ADAMTS3: variants seen among roughly 807,000 people sequenced by gnomAD.
The protein encoded by ADAMTS3 is ADAM metallopeptidase with thrombospondin type 1 motif 3.
In ADAMTS3, 73 loss-of-function variants were observed where a neutral mutation model predicts 129.0. The observed-to-expected ratio is 0.57, with a 90% CI of 0.47 to 0.69. The LOEUF (loss-of-function observed/expected upper bound fraction) is 0.69, where lower values mean the gene tolerates loss of function less well. Ranked by LOEUF, ADAMTS3 falls within the 30% of genes least tolerant of loss-of-function variation. The pLI is 0.00. For synonymous variants in ADAMTS3, 477 were observed against 510.8 expected, an observed-to-expected ratio of 0.93 and a Z score of 0.89; for missense variants, 1,457 against 1,514.5, an observed-to-expected ratio of 0.96 and a Z score of 0.63.
chr4:72,313,724 T>C lies in ADAMTS3; in HGVS notation c.1698A>G (p.Thr566=), dbSNP rs1276281854. 7 of 1,613,704 alleles carry C rather than the reference T, an allele frequency of 4.3e-6. No individual in the cohort carries two copies. The highest frequency in any genetic ancestry group is 2.2e-5 in the East Asian group (1 of 44,800). ...SWTKFGSCSR[T]CGTGVRFRTR... is the part of the protein sequence containing the mutation. ...TTCTGAAACGAACACCAGTTCCACA[T>C]GTCCGAGAACAGGAGCCAAATTTAG... Residue 566 remains threonine (T), a synonymous_variant, in exon 12 of 22, where the codon ACA becomes ACG. Transcript: ENST00000286657.
At chr4:72,494,860 C>T (rs578141341) in intron 3 of ADAMTS3, among the ~76,000 whole-genome samples, 4 of 152,260 alleles carry the variant, frequency 2.6e-5, no homozygotes, top group Admixed American at 6.5e-5. Flanking sequence ...GTTACATCAG[C>T]TAGGTCAGCA....
intron 4 of ADAMTS3, among the ~76,000 whole-genome samples, chr4:72,379,662 C>G (rs879629342): frequency 2.0e-5 from 3 of 152,028 alleles, no homozygotes; most frequent in African/African-American, 7.2e-5. Context: ...TTCTGTAATT[C>G]TGGGACATCT....
chr4:72,305,151 T>C (rs897694596), intron 16 of ADAMTS3, among the ~76,000 whole-genome samples: 3 of 152,082 alleles, frequency 2.0e-5, no homozygotes, highest in Admixed American at 2.0e-4. Flanking sequence ...AATAAGTAAG[T>C]TATGTTTACA....
chr4:72,444,597 C>T (rs890616999), intron 3 of ADAMTS3, among the ~76,000 whole-genome samples: 3 of 151,694 alleles, frequency 2.0e-5, no homozygotes. Context: ...GCTATAAACA[C>T]ATTTTAGGCA....
chr4:72,313,569 C>T, intron 12 of ADAMTS3, 108 bp downstream of exon 12: 2 of 1,173,316 alleles, frequency 1.7e-6, no homozygotes, highest in Non-Finnish European at 2.4e-6. Context: ...AATTTATTTT[C>T]CTGCCCTGTG....
At chr4:72,501,022 T>G (rs1171089960) in intron 3 of ADAMTS3, among the ~76,000 whole-genome samples, 1 of 152,104 alleles carries the variant, frequency 6.6e-6, no homozygotes, top group Admixed American at 6.6e-5. Context: ...GTAGCCTTAT[T>G]GTATAGTTTG....
chr4:72,328,473 G>A (rs901635083), intron 5 of ADAMTS3, among the ~76,000 whole-genome samples: 2 of 152,144 alleles, frequency 1.3e-5, no homozygotes, highest in African/African-American at 4.8e-5. Flanking sequence ...GGGTGGATCA[G>A]GTCTTGAGAG....
chr4:72,506,834 C>A, intron 3 of ADAMTS3, among the ~76,000 whole-genome samples: 1 of 152,198 alleles, frequency 6.6e-6, no homozygotes, highest in Non-Finnish European at 1.5e-5. Flanking sequence ...CATTTTCCCC[C>A]ACCAGGATCT....
At chr4:72,473,907 C>T (rs1719151428) in intron 3 of ADAMTS3, among the ~76,000 whole-genome samples, 1 of 152,210 alleles carries the variant, frequency 6.6e-6, no homozygotes, top group Admixed American at 6.5e-5. Context: ...TGGAGGCCAT[C>T]CTCAACATGA....
At chr4:72,410,112 C>A (rs1722149944) in intron 4 of ADAMTS3, among the ~76,000 whole-genome samples, 1 of 152,106 alleles carries the variant, frequency 6.6e-6, no homozygotes, top group Non-Finnish European at 1.5e-5. Flanking sequence ...TTGATTAGGG[C>A]ATAGGTCATG....
intron 4 of ADAMTS3, among the ~76,000 whole-genome samples, chr4:72,370,460 A>T (rs1176142035): frequency 1.3e-5 from 2 of 152,174 alleles, no homozygotes; most frequent in Non-Finnish European, 2.9e-5. Context: ...CTGCGCTGCC[A>T]TTTACATGGG....
At chr4:72,432,052 C>T (rs1351191958) in intron 3 of ADAMTS3, among the ~76,000 whole-genome samples, 1 of 151,902 alleles carries the variant, frequency 6.6e-6, no homozygotes, top group African/African-American at 2.4e-5. Flanking sequence ...ACCAGATGTT[C>T]CAGTCAGAAA....
intron 3 of ADAMTS3, among the ~76,000 whole-genome samples, chr4:72,490,900 A>G (rs1241987804): frequency 6.6e-6 from 1 of 151,898 alleles, no homozygotes; most frequent in Non-Finnish European, 1.5e-5. Context: ...AAATGCACTG[A>G]GTCTGTATAT....
At chr4:72,560,193 A>G (rs1308734792) in intron 2 of ADAMTS3, among the ~76,000 whole-genome samples, 33 of 148,166 alleles carry the variant, frequency 2.2e-4, no homozygotes, top group Admixed American at 2.2e-3. Context: ...AAGATGGATT[A>G]AAGACTTAAA....
At chr4:72,480,906 T>G (rs1719416962) in intron 3 of ADAMTS3, among the ~76,000 whole-genome samples, 1 of 151,990 alleles carries the variant, frequency 6.6e-6, no homozygotes, top group African/African-American at 2.4e-5. Context: ...AATTGTATTT[T>G]AATATCAATA....
chr4:72,336,995 T>C (rs768788742), intron 5 of ADAMTS3, among the ~76,000 whole-genome samples: 15 of 152,152 alleles, frequency 9.9e-5, no homozygotes, highest in Non-Finnish European at 1.9e-4. Context: ...CACTTAAGTA[T>C]ATGCAATTGT....
chr4:72,394,693 C>T (rs1301479022), intron 4 of ADAMTS3, among the ~76,000 whole-genome samples: 2 of 152,150 alleles, frequency 1.3e-5, no homozygotes, highest in African/African-American at 4.8e-5. Flanking sequence ...CATACTGAAG[C>T]ATGTTTCCCT....
intron 3 of ADAMTS3, among the ~76,000 whole-genome samples, chr4:72,466,983 G>A (rs563871632): frequency 8.5e-5 from 13 of 152,088 alleles, no homozygotes; most frequent in Admixed American, 2.6e-4. Context: ...AATTAAATAT[G>A]TCACATTTAA....
chr4:72,390,680 T>C (rs1277843561), intron 4 of ADAMTS3, among the ~76,000 whole-genome samples: 1 of 152,160 alleles, frequency 6.6e-6, no homozygotes, highest in Non-Finnish European at 1.5e-5. Flanking sequence ...TCCTGTGAAT[T>C]AAGAGAAGGC....
Sources: allele counts gnomAD v4.1 joint callset (sites outside exome capture counted in the v4.1 genomes callset), GRCh38; gene constraint gnomAD v4.1.1; transcripts MANE v1.5; gene names NCBI Gene and HGNC (gene_info 2026-07-23, HGNC 2026-07-21).